Variants in EVC2 observed in about 807,000 individuals in gnomAD.
The protein encoded by EVC2 is limbin.
Under a neutral mutation model 149.3 loss-of-function variants are expected in EVC2, and 148 were observed. The observed-to-expected ratio is 0.99, with a 90% CI of 0.87 to 1.14. The LOEUF (loss-of-function observed/expected upper bound fraction) is 1.14. Among genes scored for constraint, EVC2 ranks in the 50% most tolerant of loss-of-function variants. The pLI, the probability that EVC2 is intolerant of heterozygous loss-of-function variation, is 0.00. For missense variants in EVC2, 1,854 were observed against 1,627.3 expected (o/e 1.14, Z -2.40); for synonymous variants, 776 against 649.9 (o/e 1.19, Z -2.95).
At chr4:5,671,271 T>A (rs1719631539) in intron 7 of EVC2, among the ~76,000 whole-genome samples, 1 of 152,172 alleles carries the variant, frequency 6.6e-6, no homozygotes, top group Non-Finnish European at 1.5e-5. Flanking sequence ...CCCCGCTGCC[T>A]CTCCTAGGCT....
intron 1 of EVC2, among the ~76,000 whole-genome samples, chr4:5,698,206 T>C (rs981976254): frequency 6.6e-6 from 1 of 152,136 alleles, no homozygotes; most frequent in Admixed American, 6.5e-5. Flanking sequence ...GGCCGCACCA[T>C]GTGATTGAAA....
At chr4:5,568,708 A>C in intron 19 of EVC2, 68 bp from the exon 20 acceptor site, 1 of 1,486,046 alleles carries the variant, frequency 6.7e-7, no homozygotes, top group Admixed American at 1.9e-5. Context: ...TTTTTAATTT[A>C]TCACATTCTG....
chr4:5,670,211 T>C lies in EVC2; in HGVS notation c.871-4562A>G, dbSNP rs1327910342. ...ATCACCAACATTAATATTACCACCA[T>C]GATTATCAACATCATCAATATCCCC... On this transcript the variant is annotated intron_variant, in intron 7 of 21. Coordinates refer to ENST00000344408, the MANE Select transcript of EVC2 (RefSeq NM_147127.5). This position sits in a 1 kb window ranked among gnomAD's most constrained non-coding sequence, Gnocchi z 5.2. Among the ~76,000 whole-genome samples the C allele has an allele frequency of 6.6e-6, 1 of 152,108 alleles. No individual in the cohort carries two copies. Among genetic ancestry groups the C allele is most frequent in the Non-Finnish European group, 1.5e-5 (1 of 68,030 alleles).
intron 9 of EVC2, among the ~76,000 whole-genome samples, chr4:5,660,870 G>A (rs760758307): frequency 5.9e-5 from 9 of 152,086 alleles, no homozygotes; most frequent in Non-Finnish European, 1.3e-4. Context: ...TATCACTGTG[G>A]GTAAACCTCT....
downstream of EVC2, among the ~76,000 whole-genome samples, chr4:5,541,896 G>A (rs561703401): frequency 1.3e-5 from 2 of 152,138 alleles, no homozygotes; most frequent in Non-Finnish European, 2.9e-5. Flanking sequence ...CCCGAGCAAT[G>A]GACTGAATGT....
intron 22 of EVC2, chr4:5,543,007 G>C: frequency 3.6e-6 from 2 of 553,026 alleles, no homozygotes; most frequent in South Asian, 3.6e-5. Context: ...ACTGTTAAGT[G>C]ATGCGGGCAG....
chr4:5,612,475 T>C (rs931425570), intron 16 of EVC2, among the ~76,000 whole-genome samples: 1 of 152,174 alleles, frequency 6.6e-6, no homozygotes, highest in African/African-American at 2.4e-5. Context: ...CCGTAAGGGA[T>C]TGGAGCTGGG....
At chr4:5,593,322 G>A (rs985432150) in intron 16 of EVC2, among the ~76,000 whole-genome samples, 2 of 152,104 alleles carry the variant, frequency 1.3e-5, no homozygotes, top group Admixed American at 6.5e-5. Flanking sequence ...TCTTTCAAGT[G>A]TGCGTTACTT....
At chr4:5,589,498 T>G (rs1260874751) in intron 16 of EVC2, among the ~76,000 whole-genome samples, 1 of 152,156 alleles carries the variant, frequency 6.6e-6, no homozygotes, top group Non-Finnish European at 1.5e-5. Context: ...TTTTCTGGGA[T>G]TCTGTCCTGT....
rs1333563930 is a variant in EVC2, at chr4:5,625,613, A to C, written c.2046+136T>G. On this transcript the variant is annotated intron_variant, in intron 13 of 21. Transcript: ENST00000344408. This position sits in a 1 kb window ranked among gnomAD's most constrained non-coding sequence, Gnocchi z 4.0. ...AAAAGTCGCTACCAATCAACAGTAG[A>C]TGGCACATCATGGTGCCTGCCCAGC... 1 of 1,125,674 alleles carries C rather than the reference A, an allele frequency of 8.9e-7. No individual in the cohort carries two copies. The highest frequency in any genetic ancestry group is 1.3e-6 in the Non-Finnish European group (1 of 775,468). The allele number at this position is 1,125,674 out of a possible 1,614,324, so 69.7% of individuals were successfully genotyped here. A position where few individuals can be genotyped will look rare whatever the true frequency, so the allele number is the denominator to read the frequency against.
At chr4:5,630,054 T>C (rs1427981556) in intron 11 of EVC2, among the ~76,000 whole-genome samples, 1 of 152,230 alleles carries the variant, frequency 6.6e-6, no homozygotes, top group Non-Finnish European at 1.5e-5. Flanking sequence ...AATCTGTGAA[T>C]ATCTAAGTAA....
chr4:5,704,313 T>C (rs1263278050), intron 1 of EVC2, among the ~76,000 whole-genome samples: 2 of 152,122 alleles, frequency 1.3e-5, no homozygotes, highest in Non-Finnish European at 2.9e-5. Context: ...ATATGCTGAC[T>C]AAATGTGGGG....
intron 9 of EVC2, 131 bp downstream of exon 9, chr4:5,662,976 G>T: frequency 1.6e-6 from 2 of 1,245,736 alleles, no homozygotes; most frequent in Non-Finnish European, 2.3e-6. Context: ...CATAGCAGTT[G>T]TTGAATTATG....
At chr4:5,530,731 T>A in the EVC2 span, among the ~76,000 whole-genome samples, 1 of 152,246 alleles carries the variant, frequency 6.6e-6, no homozygotes, top group Admixed American at 6.5e-5. Flanking sequence ...TGATTGAGGT[T>A]ACCAGACAGC....
intron 16 of EVC2, among the ~76,000 whole-genome samples, chr4:5,588,852 TTG>T (rs916996940): frequency 3.3e-5 from 5 of 152,348 alleles, no homozygotes; most frequent in Middle Eastern, 3.4e-3. Context: ...TTGCCATTTT[TTG>T]TGTGTGAAAA....
rs1341583665 is a variant in EVC2, at chr4:5,694,463, C to A, written c.322G>T (p.Glu108Ter). ...GAAGTTGAGAGTGGGATGAAGACTTCCATTTTCTTGTCCAATTTCATTCCA... is the reference window on the plus strand; with the variant it reads ...GAAGTTGAGAGTGGGATGAAGACTTACATTTTCTTGTCCAATTTCATTCCA... ...PLGMKLDKKM[E>*]VFIPLSTSAA... The change falls in exon 3 of 22, where the codon GAA (glutamate) becomes TAA (stop). Residue 108 changes from glutamate to a stop codon, truncating the protein, a stop_gained. Coordinates refer to ENST00000344408, the MANE Select transcript of EVC2 (RefSeq NM_147127.5). LOFTEE classifies it high-confidence loss of function. 1.9e-6 allele frequency: 3 copies of A among 1,614,088 alleles called. No individual in the cohort carries two copies. The African/African-American group carries it at 4.0e-5, about 22-fold the overall frequency.
chr4:5,659,904 G>A (rs1718769767), intron 9 of EVC2, among the ~76,000 whole-genome samples: 1 of 152,222 alleles, frequency 6.6e-6, no homozygotes. Flanking sequence ...TCCGGGTGCT[G>A]ATTGCATGAT....
chr4:5,629,356 G>A (rs762690092), intron 11 of EVC2, among the ~76,000 whole-genome samples: 12 of 152,178 alleles, frequency 7.9e-5, no homozygotes, highest in African/African-American at 1.2e-4. Context: ...TCACAGATGA[G>A]GAAACTGAGT....
rs1006688436 is a variant in EVC2, at chr4:5,613,537, T to C, written c.2829+1885A>G. 6.6e-6 allele frequency among the ~76,000 whole-genome samples: 1 copy of C among 152,138 alleles called. No homozygotes were observed. Among genetic ancestry groups the C allele is most frequent in the Non-Finnish European group, 1.5e-5 (1 of 68,024 alleles). ...CTCCAGCTCTCTCCTCTTCTTGCTG[T>C]AAACTGGGAATAAACTGGGACAGCT... On this transcript the variant is annotated intron_variant, in intron 16 of 21. Transcript: ENST00000344408. This position sits in a 1 kb window ranked among gnomAD's most constrained non-coding sequence, Gnocchi z 4.6.
Sources: gnomAD v4.1 joint callset for allele counts (sites outside exome capture counted in the v4.1 genomes callset) on GRCh38, gnomAD v4.1.1 for gene constraint, Gnocchi (gnomAD v3.1) non-coding constraint, MANE v1.5 for transcripts, NCBI Gene and HGNC (gene_info 2026-07-23, HGNC 2026-07-21) for gene names.